Variants in NLGN4X observed in about 807,000 individuals in gnomAD.
The protein encoded by NLGN4X is neuroligin-4, X-linked.
NLGN4X carries 3 observed loss-of-function variants against 40.3 expected under a neutral mutation model. That is an observed-to-expected ratio of 0.07 (90% CI 0.03 to 0.19). NLGN4X has a LOEUF of 0.19. Among genes scored for constraint, NLGN4X ranks in the 10% least tolerant of loss-of-function variants. NLGN4X has a pLI of 1.00. For synonymous variants in NLGN4X, 270 were observed against 306.8 expected, an observed-to-expected ratio of 0.88 and a Z score of 1.25; for missense variants, 382 against 708.3, an observed-to-expected ratio of 0.54 and a Z score of 5.23.
intron 3 of NLGN4X, among the ~76,000 whole-genome samples, chrX:5,914,206 T>A (rs2032656964): frequency 8.9e-6 from 1 of 112,134 alleles, no homozygotes; most frequent in African/African-American, 3.2e-5. Flanking sequence ...GAATATCATA[T>A]AAACATGAAT....
chrX:5,995,243 G>A (rs1449640248), intron 3 of NLGN4X, among the ~76,000 whole-genome samples: 1 of 112,483 alleles, frequency 8.9e-6, no homozygotes, highest in East Asian at 2.8e-4. Flanking sequence ...TTCTTCCCTT[G>A]GGGAGCTTTA....
intron 3 of NLGN4X, among the ~76,000 whole-genome samples, chrX:5,914,653 TATGC>T (rs2032691168): frequency 9.1e-6 from 1 of 109,516 alleles, no homozygotes; most frequent in African/African-American, 3.3e-5. Flanking sequence ...TAACCATATA[TATGC>T]ATGTGTGACT....
At chrX:6,103,654 A>G (rs1406853157) in intron 2 of NLGN4X, among the ~76,000 whole-genome samples, 1 of 112,040 alleles carries the variant, frequency 8.9e-6, no homozygotes, top group African/African-American at 3.2e-5. Context: ...CCATCATTAC[A>G]TAGAGCTTTC....
intron 1 of NLGN4X, among the ~76,000 whole-genome samples, chrX:6,211,448 C>T (rs1412252610): frequency 1.8e-5 from 2 of 111,488 alleles, no homozygotes; most frequent in Non-Finnish European, 3.8e-5. Flanking sequence ...AAAAACAATG[C>T]TTATGAAGAT....
At chrX:6,224,189 C>A (rs1925947061) in intron 1 of NLGN4X, among the ~76,000 whole-genome samples, 2 of 112,812 alleles carry the variant, frequency 1.8e-5, no homozygotes, top group African/African-American at 6.4e-5. Context: ...GAATGCAATG[C>A]ATTCGCTCAA....
At chrX:6,071,729 T>C (rs1226738799) in intron 2 of NLGN4X, among the ~76,000 whole-genome samples, 3 of 112,135 alleles carry the variant, frequency 2.7e-5, no homozygotes, top group African/African-American at 9.7e-5. Flanking sequence ...TGAGCAAGAT[T>C]TAAATTTTAA....
intron 3 of NLGN4X, among the ~76,000 whole-genome samples, chrX:5,973,537 C>G (rs2035086332): frequency 8.9e-6 from 1 of 112,455 alleles, no homozygotes; most frequent in Admixed American, 9.4e-5. Flanking sequence ...CCTACCCCCA[C>G]TCAAAGGTGT....
At chrX:6,169,301 A>G (rs1044593677) in intron 1 of NLGN4X, among the ~76,000 whole-genome samples, 4 of 112,969 alleles carry the variant, frequency 3.5e-5, no homozygotes, top group Non-Finnish European at 3.7e-5. Flanking sequence ...CTTATTTAAC[A>G]ACACAAAGAA....
At chrX:6,139,135 T>A (rs1246891827) in intron 2 of NLGN4X, among the ~76,000 whole-genome samples, 1 of 111,893 alleles carries the variant, frequency 8.9e-6, no homozygotes, top group East Asian at 2.8e-4. Flanking sequence ...ATTAGTACAT[T>A]TCCAATATAA....
intron 2 of NLGN4X, among the ~76,000 whole-genome samples, chrX:6,115,471 G>C (rs2147547871): frequency 9.0e-6 from 1 of 111,549 alleles, no homozygotes; most frequent in East Asian, 2.8e-4. Flanking sequence ...TGTTCTCAGG[G>C]GCTTCATGTC....
intron 1 of NLGN4X, among the ~76,000 whole-genome samples, chrX:6,197,427 A>ATTTTTTTTTTTTTTT: frequency 1.3e-5 from 1 of 79,469 alleles, no homozygotes; most frequent in Non-Finnish European, 2.8e-5. Context: ...ATGCTCAGCT[A>ATTTTTTTTTTTTTTT]TTTTTTTTTT....
chrX:6,134,607 C>T (rs1331000140), intron 2 of NLGN4X, among the ~76,000 whole-genome samples: 2 of 112,492 alleles, frequency 1.8e-5, no homozygotes, highest in Middle Eastern at 4.6e-3. Flanking sequence ...AATAAATATT[C>T]ACTGAGTGAA....
intron 1 of NLGN4X, among the ~76,000 whole-genome samples, chrX:6,218,772 A>C (rs1925329837): frequency 8.9e-6 from 1 of 111,918 alleles, no homozygotes; most frequent in African/African-American, 3.2e-5. Context: ...CTGTGTCAAC[A>C]GAAGTATTCT....
chrX:6,148,360 A>C (rs903534840), intron 2 of NLGN4X, among the ~76,000 whole-genome samples: 2 of 111,958 alleles, frequency 1.8e-5, no homozygotes, highest in Non-Finnish European at 1.9e-5. Context: ...TCTCCTGCTA[A>C]ATAAAAGCAT....
chrX:5,920,930 G>C (rs2033005017), intron 3 of NLGN4X, among the ~76,000 whole-genome samples: 1 of 110,217 alleles, frequency 9.1e-6, no homozygotes, highest in Non-Finnish European at 1.9e-5. Context: ...AAAGCTCCAT[G>C]GAAATGTGAG....
chrX:6,170,252 C>A (rs866932812), intron 1 of NLGN4X, among the ~76,000 whole-genome samples: 10 of 111,485 alleles, frequency 9.0e-5, no homozygotes, highest in South Asian at 3.8e-4. Flanking sequence ...AGCCACTGCA[C>A]CCAGCTAGAG....
intron 2 of NLGN4X, among the ~76,000 whole-genome samples, chrX:6,080,844 A>G (rs929160879): frequency 5.4e-5 from 6 of 111,521 alleles, no homozygotes; most frequent in African/African-American, 1.6e-4. Flanking sequence ...TAATTTGTTT[A>G]TTTATTTTTT....
At chrX:6,113,509 C>G (rs1261812781) in intron 2 of NLGN4X, among the ~76,000 whole-genome samples, 2 of 110,588 alleles carry the variant, frequency 1.8e-5, no homozygotes, top group African/African-American at 6.6e-5. Flanking sequence ...ACCTGTAGTT[C>G]TTTAAGTTTT....
At chrX:6,073,158 C>T (rs1023848159) in intron 2 of NLGN4X, among the ~76,000 whole-genome samples, 2 of 111,883 alleles carry the variant, frequency 1.8e-5, no homozygotes, top group Non-Finnish European at 3.8e-5. Flanking sequence ...CTGCAACCTA[C>T]TTATTCCTCC....
Sources: allele counts gnomAD v4.1 joint callset (sites outside exome capture counted in the v4.1 genomes callset), GRCh38; gene constraint gnomAD v4.1.1; transcripts MANE v1.5; gene names NCBI Gene and HGNC (gene_info 2026-07-23, HGNC 2026-07-21).